THEMIS: variants seen among roughly 807,000 people sequenced by gnomAD.
THEMIS encodes protein THEMIS.
In THEMIS, 37 loss-of-function variants were observed where a neutral mutation model predicts 52.6. The ratio of observed to expected loss-of-function variants is 0.70; its 90% CI spans 0.54 to 0.93. The LOEUF is 0.93. Ranked by LOEUF, THEMIS falls within the 40% of genes least tolerant of loss-of-function variation. The pLI, the probability that THEMIS is intolerant of heterozygous loss-of-function variation, is 0.00. For synonymous variants in THEMIS, 292 were observed against 272.7 expected (o/e 1.07, Z -0.70); for missense variants, 808 against 763.1 (o/e 1.06, Z -0.69).
intron 4 of THEMIS, among the ~76,000 whole-genome samples, chr6:127,809,645 GA>G (rs1049132153): frequency 6.6e-6 from 1 of 151,958 alleles, no homozygotes; most frequent in Non-Finnish European, 1.5e-5. Context: ...CCAAAGCAGG[GA>G]TTCCCTGACA....
intron 4 of THEMIS, among the ~76,000 whole-genome samples, chr6:127,778,948 C>T (rs1776654290): frequency 6.6e-6 from 1 of 151,510 alleles, no homozygotes; most frequent in South Asian, 2.1e-4. Flanking sequence ...TTATACTGCA[C>T]AGAAGCAGAT....
rs540297522 is a variant in THEMIS at position 127,871,297 on chromosome 6, A to C, written c.92-16109T>G. Among the ~76,000 whole-genome samples, 15 of 152,140 alleles carry C rather than the reference A, an allele frequency of 9.9e-5. 1 individual carries two copies. In the South Asian group the frequency reaches 3.1e-3, roughly 31 times the overall value. On this transcript the variant is annotated intron_variant, in intron 1 of 5. Transcript: ENST00000368248. ...TACATATTTATACCTATATACATAC[A>C]CATACACATACATATATTTATATAC...
intron 3 of THEMIS, 91 bp from the exon 4 acceptor site, chr6:127,814,022 T>A: frequency 8.8e-7 from 1 of 1,139,634 alleles, no homozygotes; most frequent in Non-Finnish European, 1.2e-6. Flanking sequence ...AAATTTCTTT[T>A]ACAAAATAAA....
At chr6:127,794,937 C>T (rs1475915926) in intron 4 of THEMIS, among the ~76,000 whole-genome samples, 1 of 151,908 alleles carries the variant, frequency 6.6e-6, no homozygotes, top group African/African-American at 2.4e-5. Flanking sequence ...GAAAATGTAA[C>T]ACAAAAAAAC....
intron 1 of THEMIS, among the ~76,000 whole-genome samples, chr6:127,897,804 T>G (rs1015483273): frequency 2.0e-5 from 3 of 151,636 alleles, no homozygotes; most frequent in African/African-American, 7.2e-5. Flanking sequence ...ACTTAATGCA[T>G]ATACACGTAG....
Position 127,717,822 on chromosome 6 carries a change from CTT to C in THEMIS, c.1894+1864_1894+1865del, listed in dbSNP as rs35369332. On this transcript the variant is annotated intron_variant, in intron 5 of 5. Coordinates refer to ENST00000368248, the MANE Select transcript of THEMIS (RefSeq NM_001010923.3). Reference sequence around the variant, plus strand: ...AAGCAGCACCCCTATCTTAATTAGGCTTTTTTTTTTTTTAAGTCAGTGATATG... The same window carrying C: ...AAGCAGCACCCCTATCTTAATTAGGCTTTTTTTTTTTAAGTCAGTGATATG... 6.3e-4 allele frequency among the ~76,000 whole-genome samples: 92 copies of C among 146,396 alleles called. 1 individual carries two copies. The highest frequency in any genetic ancestry group is 6.3e-4 in the Non-Finnish European group (42 of 66,642).
intron 4 of THEMIS, among the ~76,000 whole-genome samples, chr6:127,762,276 TTAAG>T (rs1776047032): frequency 6.6e-6 from 1 of 152,006 alleles, no homozygotes; most frequent in Non-Finnish European, 1.5e-5. Context: ...GAGTGACAAA[TTAAG>T]TTTCAGTCAA....
At chr6:127,862,500 A>G (rs111783710) in intron 1 of THEMIS, among the ~76,000 whole-genome samples, 10 of 141,302 alleles carry the variant, frequency 7.1e-5, no homozygotes, top group African/African-American at 2.7e-4. Context: ...GCTCATTGCA[A>G]CCTCCACCTC....
intron 4 of THEMIS, among the ~76,000 whole-genome samples, chr6:127,803,765 G>T (rs1777612221): frequency 6.6e-6 from 1 of 152,144 alleles, no homozygotes; most frequent in Non-Finnish European, 1.5e-5. Flanking sequence ...AAAGTCCTAA[G>T]CATGATAAGC....
chr6:127,775,389 A>C lies in THEMIS; in HGVS notation c.1758+37494T>G, dbSNP rs144160130. ...ATTTCTCTGAGTAGAGTCTTTCTCT[A>C]TTTGGGGTTACTTGTGAAGACCCTC... On this transcript the variant is annotated intron_variant, in intron 4 of 5. Coordinates refer to ENST00000368248, the MANE Select transcript of THEMIS (RefSeq NM_001010923.3). 1.5e-4 allele frequency among the ~76,000 whole-genome samples: 23 copies of C among 152,290 alleles called. 1 individual carries two copies. The East Asian group carries it at 3.7e-3, about 24-fold the overall frequency.
chr6:127,870,360 C>A (rs1314492106), intron 1 of THEMIS, among the ~76,000 whole-genome samples: 1 of 152,104 alleles, frequency 6.6e-6, no homozygotes, highest in African/African-American at 2.4e-5. Flanking sequence ...TGTCACAGAG[C>A]CTGAAAGAGA....
chr6:127,796,017 T>C (rs1777320195), intron 4 of THEMIS, among the ~76,000 whole-genome samples: 1 of 152,198 alleles, frequency 6.6e-6, no homozygotes, highest in Non-Finnish European at 1.5e-5. Flanking sequence ...CTCCATACTA[T>C]ATGCAAAATA....
downstream of THEMIS, among the ~76,000 whole-genome samples, chr6:127,707,054 A>G (rs950573699): frequency 2.0e-5 from 3 of 152,138 alleles, no homozygotes; most frequent in Non-Finnish European, 2.9e-5. Flanking sequence ...CCTTCTTCAC[A>G]TGGTGGCAGC....
Position 127,805,334 on chromosome 6 carries a change from C to T in THEMIS, c.1758+7549G>A, listed in dbSNP as rs192082691. On this transcript the variant is annotated intron_variant, in intron 4 of 5. Coordinates refer to ENST00000368248, the MANE Select transcript of THEMIS (RefSeq NM_001010923.3). ...AGTATTGCTTAGAAAGTTTCTAAGA[C>T]ATCATGATTATACTGAAGTTAGATT... 1.9e-3 allele frequency among the ~76,000 whole-genome samples: 291 copies of T among 152,168 alleles called. 1 individual carries two copies. Among genetic ancestry groups the T allele is most frequent in the African/African-American group, 6.7e-3 (277 of 41,560 alleles).
At chr6:127,785,220 T>TTTATCTATC (rs1554223982) in intron 4 of THEMIS, among the ~76,000 whole-genome samples, 1 of 93,758 alleles carries the variant, frequency 1.1e-5, no homozygotes, top group African/African-American at 3.8e-5. Context: ...ATTATCTATC[T>TTTATCTATC]TATCTATCTA....
downstream of THEMIS, among the ~76,000 whole-genome samples, chr6:127,705,311 C>T (rs917563911): frequency 6.6e-6 from 1 of 152,162 alleles, no homozygotes; most frequent in African/African-American, 2.4e-5. Flanking sequence ...AGTCTCTGTC[C>T]TTATTCACCC....
At chr6:127,701,758 T>G in the THEMIS span, among the ~76,000 whole-genome samples, 1 of 152,164 alleles carries the variant, frequency 6.6e-6, no homozygotes, top group East Asian at 1.9e-4. Flanking sequence ...TATATCTTGT[T>G]GTAGTTTTAA....
intron 2 of THEMIS, among the ~76,000 whole-genome samples, chr6:127,846,267 C>T (rs1779211597): frequency 6.6e-6 from 1 of 151,756 alleles, no homozygotes; most frequent in African/African-American, 2.4e-5. Context: ...TATACAATTG[C>T]CACATTATAG....
At chr6:127,766,803 C>T in intron 4 of THEMIS, among the ~76,000 whole-genome samples, 1 of 152,122 alleles carries the variant, frequency 6.6e-6, no homozygotes. Context: ...AAGGCACTTA[C>T]TATGAATGAA....
Sources: allele counts gnomAD v4.1 joint callset (sites outside exome capture counted in the v4.1 genomes callset), GRCh38; gene constraint gnomAD v4.1.1; transcripts MANE v1.5; gene names NCBI Gene and HGNC (gene_info 2026-07-23, HGNC 2026-07-21).